Variants in CELF4 observed in about 807,000 individuals in gnomAD.
The protein encoded by CELF4 is CUGBP Elav-like family member 4.
Under a neutral mutation model 59.9 loss-of-function variants are expected in CELF4, and 18 were observed. The observed-to-expected ratio is 0.30, with a 90% CI of 0.21 to 0.45. The LOEUF (loss-of-function observed/expected upper bound fraction) is 0.45, where lower values mean the gene tolerates loss of function less well. Ranked by LOEUF, CELF4 falls within the 20% of genes least tolerant of loss-of-function variation. The pLI, the probability that CELF4 is intolerant of heterozygous loss-of-function variation, is 1.00. For synonymous variants in CELF4, 261 were observed against 267.1 expected (o/e 0.98, Z 0.22); for missense variants, 456 against 689.0 (o/e 0.66, Z 3.79).
At chr18:37,513,630 T>A (rs755691601) in intron 1 of CELF4, among the ~76,000 whole-genome samples, 66 of 152,334 alleles carry the variant, frequency 4.3e-4, no homozygotes, top group Non-Finnish European at 6.6e-4. Context: ...CTCTACCTAC[T>A]AAGCTTCTGT....
At chr18:37,417,242 G>C (rs1397984589) in intron 2 of CELF4, among the ~76,000 whole-genome samples, 1 of 152,120 alleles carries the variant, frequency 6.6e-6, no homozygotes, top group African/African-American at 2.4e-5. Flanking sequence ...CTGGGTCTGG[G>C]GGGTAAACAT....
chr18:37,565,429 C>A lies in CELF4; in HGVS notation c.213G>T (p.Lys71Asn). The change falls in exon 1 of 13, where the codon AAG becomes AAT. Residue 71 changes from lysine to asparagine, a missense_variant. Lys to Asn is a moderately conservative substitution (Grantham distance 94). Transcript: ENST00000420428. ...IPRNLDEKDL[K>N]PLFEEFGKIY... ...TTTTGCCAAACTCCTCGAAGAGGGG[C>A]TTGAGGTCCTTCTCATCCAGGTTGC... 1 of 1,613,692 alleles carries A rather than the reference C, an allele frequency of 6.2e-7. No homozygotes were observed. The highest frequency in any genetic ancestry group is 8.5e-7 in the Non-Finnish European group (1 of 1,179,770).
intron 1 of CELF4, among the ~76,000 whole-genome samples, chr18:37,537,601 A>T (rs1747705618): frequency 1.3e-5 from 2 of 152,110 alleles, no homozygotes; most frequent in Non-Finnish European, 2.9e-5. Context: ...TCTCCACCCC[A>T]ACTCCACATG....
At chr18:37,316,159 C>T (rs1603451442) in intron 3 of CELF4, among the ~76,000 whole-genome samples, 1 of 152,218 alleles carries the variant, frequency 6.6e-6, no homozygotes, top group South Asian at 2.1e-4. Context: ...TGTCTGCCTG[C>T]CAGGAGGCAT....
chr18:37,558,739 C>T (rs930015224), intron 1 of CELF4, among the ~76,000 whole-genome samples: 1 of 151,818 alleles, frequency 6.6e-6, no homozygotes, highest in Non-Finnish European at 1.5e-5. Flanking sequence ...CCCTGCCACG[C>T]CCTGCTTGGA....
intron 2 of CELF4, among the ~76,000 whole-genome samples, chr18:37,397,250 C>T (rs541199427): frequency 2.6e-5 from 4 of 151,902 alleles, no homozygotes; most frequent in South Asian, 4.2e-4. Flanking sequence ...CAGCCCCTCA[C>T]CCTCCATTTA....
chr18:37,562,814 C>T (rs1422321291), intron 1 of CELF4, among the ~76,000 whole-genome samples: 1 of 152,108 alleles, frequency 6.6e-6, no homozygotes, highest in Non-Finnish European at 1.5e-5. Context: ...TGAGAGCTTG[C>T]AAGCACTGTT....
chr18:37,329,711 G>C (rs1052000271), intron 2 of CELF4, among the ~76,000 whole-genome samples: 3 of 152,250 alleles, frequency 2.0e-5, no homozygotes, highest in African/African-American at 7.2e-5. Flanking sequence ...AACTATGCAT[G>C]AGCAGAGACT....
At chr18:37,278,472 C>G (rs1255879760) in intron 3 of CELF4, among the ~76,000 whole-genome samples, 2 of 152,186 alleles carry the variant, frequency 1.3e-5, no homozygotes, top group Non-Finnish European at 2.9e-5. Flanking sequence ...TTTGAGTTTG[C>G]GAGTGGACTT....
chr18:37,454,243 T>G (rs1382034326), intron 2 of CELF4, among the ~76,000 whole-genome samples: 1 of 152,200 alleles, frequency 6.6e-6, no homozygotes, highest in African/African-American at 2.4e-5. Context: ...TCTCGTTGCC[T>G]GAAAGGGGCT....
intron 1 of CELF4, among the ~76,000 whole-genome samples, chr18:37,527,045 C>T (rs182592087): frequency 6.6e-6 from 1 of 152,002 alleles, no homozygotes; most frequent in African/African-American, 2.4e-5. Context: ...ACGTAAGCCC[C>T]AAATAACATA....
chr18:37,499,022 C>T (rs576734374), intron 1 of CELF4, among the ~76,000 whole-genome samples: 2 of 152,330 alleles, frequency 1.3e-5, no homozygotes, highest in African/African-American at 4.8e-5. Flanking sequence ...TGAAAAATGG[C>T]TTTGGCCTTT....
At chr18:37,319,410 C>T (rs1389267396) in intron 3 of CELF4, among the ~76,000 whole-genome samples, 3 of 152,210 alleles carry the variant, frequency 2.0e-5, no homozygotes, top group Admixed American at 1.3e-4. Flanking sequence ...TGAGGAGGTG[C>T]GTCTATGCCC....
chr18:37,286,202 G>A (rs2094744303), intron 3 of CELF4, among the ~76,000 whole-genome samples: 2 of 152,124 alleles, frequency 1.3e-5, no homozygotes. Context: ...CTCATTGACA[G>A]GGCAAAGAAT....
At chr18:37,482,168 T>C (rs992726453) in intron 2 of CELF4, among the ~76,000 whole-genome samples, 1 of 152,208 alleles carries the variant, frequency 6.6e-6, no homozygotes, top group Non-Finnish European at 1.5e-5. Context: ...GGGAGGTGGA[T>C]GTGTTTTTCT....
In CELF4 at chr18:37,565,578, C is replaced by T; in HGVS notation, c.64G>A (p.Gly22Arg). ...GCACTGCCCGGGCTGCTGCCGAGCCCGTTGGTACTGAGGCTTGCGTTGTCA... is the reference window on the plus strand; with the variant it reads ...GCACTGCCCGGGCTGCTGCCGAGCCTGTTGGTACTGAGGCTTGCGTTGTCA... ...QADNASLSTN[G>R]LGSSPGSAGH... The change falls in exon 1 of 13, where the codon GGG becomes AGG. Residue 22 changes from glycine (G) to arginine (R), a missense_variant. Gly to Arg is a moderately radical substitution (Grantham distance 125). Coordinates refer to ENST00000420428, the MANE Select transcript of CELF4 (RefSeq NM_020180.4). 1.2e-6 allele frequency: 2 copies of T among 1,613,962 alleles called. No homozygotes were observed. The highest frequency in any genetic ancestry group is 1.7e-6 in the Non-Finnish European group (2 of 1,179,904).
At chr18:37,401,505 GGTCAAGGGCT>G (rs1278378330) in intron 2 of CELF4, among the ~76,000 whole-genome samples, 1 of 152,212 alleles carries the variant, frequency 6.6e-6, no homozygotes, top group Non-Finnish European at 1.5e-5. Context: ...ACTGAGCACA[GGTCAAGGGCT>G]GTCCATGCAT....
In CELF4 at chr18:37,464,762, A is replaced by G. The variant is rs552342058; in HGVS notation, c.369+20763T>C. 1.1e-3 allele frequency among the ~76,000 whole-genome samples: 175 copies of G among 152,288 alleles called. 2 individuals carry two copies. Among genetic ancestry groups the G allele is most frequent in the African/African-American group, 4.1e-3 (172 of 41,580 alleles). On this transcript the variant is annotated intron_variant, in intron 2 of 12. Coordinates refer to ENST00000420428, the MANE Select transcript of CELF4 (RefSeq NM_020180.4). The stretch of plus-strand genomic sequence containing the variant: ...TTTTAGCCTGCCCTGGCTGGTTCAC[A>G]GGGAGCAAGGGCCACAGTGCTATCT...
Position 37,266,508 on chromosome 18 carries a change from GCCGTGGGGACGC to G in CELF4, c.1165+13_1165+24del. The G allele has an allele frequency of 6.3e-7, 1 of 1,576,274 alleles. No individual in the cohort carries two copies. Among genetic ancestry groups the G allele is most frequent in the Non-Finnish European group, 8.6e-7 (1 of 1,161,154 alleles). The stretch of plus-strand genomic sequence containing the variant: ...AGAGATAAACGGAGTTGGGGAAGGA[GCCGTGGGGACGC>G]GTGGATACTAACGACCTGCATACTG... On this transcript the variant is annotated intron_variant, in intron 9 of 12. Transcript: ENST00000420428.
Sources: gnomAD v4.1 joint callset for allele counts (sites outside exome capture counted in the v4.1 genomes callset) on GRCh38, gnomAD v4.1.1 for gene constraint, MANE v1.5 for transcripts, NCBI Gene and HGNC (gene_info 2026-07-23, HGNC 2026-07-21) for gene names.